The following BTD variants were observed in gnomAD, a reference collection of about 807,000 sequenced individuals.
BTD encodes biocytinase.
Under a neutral mutation model 17.7 loss-of-function variants are expected in BTD, and 13 were observed. That is an observed-to-expected ratio of 0.74 (90% CI 0.48 to 1.17). The LOEUF is 1.17. BTD is among the 50% of genes most tolerant of loss of function. The pLI is 0.00. For synonymous variants in BTD, 240 were observed against 245.2 expected (o/e 0.98, Z 0.20); for missense variants, 674 against 650.4 (o/e 1.04, Z -0.39).
chr3:15,612,471 A>G (rs1219904059), intron 1 of BTD, among the ~76,000 whole-genome samples: 1 of 152,162 alleles, frequency 6.6e-6, no homozygotes, highest in East Asian at 1.9e-4. Flanking sequence ...AAGTCTGAGG[A>G]CAGCCTGATT....
chr3:15,681,165 T>C (rs1575116955), intron 3 of BTD, among the ~76,000 whole-genome samples: 1 of 152,198 alleles, frequency 6.6e-6, no homozygotes, highest in East Asian at 1.9e-4. Flanking sequence ...ATGCACATCT[T>C]CTCATATACT....
chr3:15,718,856 T>C (rs2073380936), intron 4 of BTD, among the ~76,000 whole-genome samples: 1 of 152,216 alleles, frequency 6.6e-6, no homozygotes, highest in Non-Finnish European at 1.5e-5. Flanking sequence ...AAATCTTTTA[T>C]TTTTGAAATA....
chr3:15,689,035 A>G (rs779385029), intron 3 of BTD, among the ~76,000 whole-genome samples: 11 of 152,202 alleles, frequency 7.2e-5, no homozygotes, highest in Non-Finnish European at 1.5e-4. Flanking sequence ...CATAAACCCA[A>G]CTTCTAAGGC....
intron 3 of BTD, chr3:15,694,858 G>C (rs761395531): frequency 7.7e-6 from 12 of 1,558,442 alleles, no homozygotes; most frequent in Non-Finnish European, 8.8e-6. Context: ...ACATACTACA[G>C]CAATTATTCT....
chr3:15,674,895 A>G (rs1232727439), intron 3 of BTD, among the ~76,000 whole-genome samples: 1 of 152,126 alleles, frequency 6.6e-6, no homozygotes, highest in Admixed American at 6.6e-5. Flanking sequence ...AGTAGAAGTC[A>G]TTGGTGGTTT....
chr3:15,678,663 C>T (rs1315515433), intron 3 of BTD, among the ~76,000 whole-genome samples: 3 of 152,030 alleles, frequency 2.0e-5, no homozygotes, highest in Non-Finnish European at 4.4e-5. Context: ...ATCTGAATAC[C>T]ACCACTTATT....
At chr3:15,712,363 A>C (rs953583154) in exon 4 of BTD, 2 of 707,050 alleles carry the variant, frequency 2.8e-6, no homozygotes, top group Non-Finnish European at 4.8e-6. Context: ...ATTTGGTTAA[A>C]GTTTGATGGT....
intron 3 of BTD, chr3:15,676,043 A>G (rs752111931): frequency 7.1e-7 from 1 of 1,412,912 alleles, no homozygotes; most frequent in Non-Finnish European, 9.7e-7. Context: ...ATGCACATAC[A>G]CATACACACC....
intron 3 of BTD, among the ~76,000 whole-genome samples, chr3:15,698,560 A>G (rs1182032666): frequency 2.0e-5 from 3 of 152,228 alleles, no homozygotes; most frequent in African/African-American, 7.2e-5. Context: ...TACAAAATCA[A>G]TGTGCGAAAA....
chr3:15,644,283 A>G (rs1427052527), intron 3 of BTD, 33 bp from the exon 4 acceptor site: 1 of 1,598,774 alleles, frequency 6.3e-7, no homozygotes, highest in Admixed American at 1.7e-5. Context: ...TACAGGCAAA[A>G]ACCTCATTTA....
chr3:15,668,595 A>G (rs976674825), intron 3 of BTD: 4 of 152,602 alleles, frequency 2.6e-5, no homozygotes, highest in Non-Finnish European at 5.9e-5. Flanking sequence ...ATACAAATAC[A>G]TTATTCATTA....
chr3:15,686,199 A>G, intron 3 of BTD: 1 of 1,589,642 alleles, frequency 6.3e-7, no homozygotes, highest in Non-Finnish European at 8.6e-7. Context: ...TCTGTGATGC[A>G]ACAATTATTT....
chr3:15,660,011 G>T (rs2065907274), intron 3 of BTD, among the ~76,000 whole-genome samples: 1 of 152,174 alleles, frequency 6.6e-6, no homozygotes, highest in South Asian at 2.1e-4. Flanking sequence ...TAAACCCAAT[G>T]GAAAATATAA....
intron 1 of BTD, among the ~76,000 whole-genome samples, chr3:15,624,085 A>G (rs2065015266): frequency 6.6e-6 from 1 of 152,160 alleles, no homozygotes; most frequent in African/African-American, 2.4e-5. Context: ...TATCTTTCTT[A>G]TCTTTGCTCC....
downstream of BTD, chr3:15,714,733 CT>C: frequency 1.1e-6 from 1 of 934,026 alleles, no homozygotes; most frequent in African/African-American, 1.7e-5. Context: ...TGAATACCCT[CT>C]TGCATCTTTA....
intron 1 of BTD, among the ~76,000 whole-genome samples, chr3:15,626,036 A>G (rs929842184): frequency 3.3e-5 from 5 of 152,178 alleles, no homozygotes; most frequent in Non-Finnish European, 7.4e-5. Flanking sequence ...CAACTGTTCC[A>G]AATTTTAGAA....
At chr3:15,670,564 T>TA (rs765947189) in intron 3 of BTD, 9 of 1,603,962 alleles carry the variant, frequency 5.6e-6, no homozygotes, top group Non-Finnish European at 6.8e-6. Flanking sequence ...AGCCTAGAAT[T>TA]AAAGATAAAA....
At chr3:15,641,156 G>T (rs2065491868) in intron 2 of BTD, among the ~76,000 whole-genome samples, 1 of 152,196 alleles carries the variant, frequency 6.6e-6, no homozygotes, top group Admixed American at 6.5e-5. Context: ...GGCCATCACA[G>T]CCAGGGAACA....
intron 3 of BTD, among the ~76,000 whole-genome samples, chr3:15,659,626 C>A (rs933834038): frequency 2.6e-5 from 4 of 152,146 alleles, no homozygotes; most frequent in African/African-American, 9.7e-5. Flanking sequence ...GTTAATATTT[C>A]AATTTTTTAT....
Sources: gnomAD v4.1 joint callset for allele counts (sites outside exome capture counted in the v4.1 genomes callset) on GRCh38, gnomAD v4.1.1 for gene constraint, MANE v1.5 for transcripts, NCBI Gene and HGNC (gene_info 2026-07-23, HGNC 2026-07-21) for gene names.